Variants in GRAMD1B observed in about 807,000 individuals in gnomAD.
GRAMD1B encodes the protein GRAM domain containing 1B.
Under a neutral mutation model 99.7 loss-of-function variants are expected in GRAMD1B, and 37 were observed. The observed-to-expected ratio is 0.37, with a 90% CI of 0.29 to 0.49. GRAMD1B has a LOEUF of 0.49. Ranked by LOEUF, GRAMD1B falls within the 20% of genes least tolerant of loss-of-function variation. The pLI is 0.98. For synonymous variants in GRAMD1B, 427 were observed against 387.6 expected, an observed-to-expected ratio of 1.10 and a Z score of -1.19; for missense variants, 888 against 1,009.2, an observed-to-expected ratio of 0.88 and a Z score of 1.63.
chr11:123,583,872 T>C (rs921578730), intron 3 of GRAMD1B, among the ~76,000 whole-genome samples: 6 of 152,168 alleles, frequency 3.9e-5, no homozygotes, highest in Non-Finnish European at 8.8e-5. Flanking sequence ...GGTAGTCCCC[T>C]TTCTACCTCG....
chr11:123,598,923 C>G, intron 7 of GRAMD1B: 1 of 1,129,356 alleles, frequency 8.9e-7, no homozygotes, highest in Non-Finnish European at 1.4e-6. Context: ...TGCATTCCTC[C>G]TGTCTTTAGG....
chr11:123,603,935 G>A (rs1428835446), intron 9 of GRAMD1B, among the ~76,000 whole-genome samples: 2 of 152,196 alleles, frequency 1.3e-5, no homozygotes, highest in Admixed American at 6.5e-5. Context: ...TGGAGAAGTG[G>A]CAATAAGTGT....
At chr11:123,578,734 C>T (rs969749880) in intron 3 of GRAMD1B, among the ~76,000 whole-genome samples, 3 of 152,156 alleles carry the variant, frequency 2.0e-5, no homozygotes, top group African/African-American at 4.8e-5. Flanking sequence ...ATGGTGCGGT[C>T]GAGAAACAGA....
chr11:123,429,120 GA>G (rs1333256006), upstream of GRAMD1B, among the ~76,000 whole-genome samples: 1 of 152,150 alleles, frequency 6.6e-6, no homozygotes, highest in African/African-American at 2.4e-5. The surrounding 1 kb of genome is among the most constrained non-coding windows in gnomAD (Gnocchi z 4.0). Flanking sequence ...TTGAGCCCAG[GA>G]ATTCAAGGTT....
chr11:123,613,199 C>T lies in GRAMD1B; in HGVS notation c.2024-256C>T, dbSNP rs551212586. ...TGCCTGTGAATGCATCTATTTAAGACGTGTATGCCCCAAATTGTATACATG... is the reference window on the plus strand; with the variant it reads ...TGCCTGTGAATGCATCTATTTAAGATGTGTATGCCCCAAATTGTATACATG... On this transcript the variant is annotated intron_variant, in intron 15 of 19. Coordinates refer to ENST00000635736, the MANE Select transcript of GRAMD1B (RefSeq NM_001387025.1). The T allele has an allele frequency of 1.1e-4, 65 of 566,154 alleles. 1 individual carries two copies. The South Asian group carries it at 1.2e-3, about 11-fold the overall frequency. The allele number at this position is 566,154 out of a possible 1,614,324, so 35.1% of individuals were successfully genotyped here. A position where few individuals can be genotyped will look rare whatever the true frequency, so the allele number is the denominator to read the frequency against.
At chr11:123,585,641 G>C (rs1256542354) in intron 4 of GRAMD1B, among the ~76,000 whole-genome samples, 1 of 152,184 alleles carries the variant, frequency 6.6e-6, no homozygotes, top group African/African-American at 2.4e-5. Context: ...AGGGGAGGGG[G>C]ATGAGTGCTG....
At chr11:123,599,881 G>A (rs1274206) in intron 7 of GRAMD1B, among the ~76,000 whole-genome samples, 124,555 of 151,762 alleles carry the variant, frequency 0.82, 51,344 homozygotes, top group East Asian at 0.99. Flanking sequence ...ATTATCTAAG[G>A]CTTTTTGTGT....
At position 123,584,302 on chromosome 11, in the gene GRAMD1B, C is replaced by A. The variant is rs571822984; in HGVS notation, c.664-10C>A. On this transcript the variant is annotated splice_polypyrimidine_tract_variant and intron_variant, in intron 3 of 19. Coordinates refer to ENST00000635736, the MANE Select transcript of GRAMD1B (RefSeq NM_001387025.1). ...CTAATTCTACCTTCTCTTTCATTTT[C>A]TCTTTTCAGAAAAGCCAGAGTTGGT... is the stretch of plus-strand genomic sequence containing the variant. 2 of 1,025,606 alleles carry A rather than the reference C, an allele frequency of 2.0e-6. No individual in the cohort carries two copies. The highest frequency in any genetic ancestry group is 3.4e-5 in the Admixed American group (1 of 29,748). The allele number at this position is 1,025,606 out of a possible 1,614,324, so 63.5% of individuals were successfully genotyped here.
intron 2 of GRAMD1B, among the ~76,000 whole-genome samples, chr11:123,484,683 A>G (rs35923643): frequency 0.15 from 22,811 of 151,852 alleles, 2,213 homozygotes; most frequent in Admixed American, 0.23. Context: ...CCAACCCCCA[A>G]AACCTCAGAA....
intron 1 of GRAMD1B, among the ~76,000 whole-genome samples, chr11:123,452,570 T>C (rs933595160): frequency 6.6e-6 from 1 of 152,006 alleles, no homozygotes; most frequent in African/African-American, 2.4e-5. Flanking sequence ...TGCTTGAACC[T>C]GGGAGGTGGA....
intron 3 of GRAMD1B, among the ~76,000 whole-genome samples, chr11:123,579,086 G>A (rs1294414133): frequency 6.6e-6 from 1 of 152,224 alleles, no homozygotes; most frequent in Non-Finnish European, 1.5e-5. Flanking sequence ...CCCAGAGGGT[G>A]GGGTGCCCAT....
Position 123,610,840 on chromosome 11 carries a change from A to C in GRAMD1B, c.1919+502A>C, listed in dbSNP as rs1953442116. 6.6e-6 allele frequency among the ~76,000 whole-genome samples: 1 copy of C among 152,132 alleles called. No individual in the cohort carries two copies. The highest frequency in any genetic ancestry group is 2.1e-4 in the South Asian group (1 of 4,828). ...AGGACAGGAATTCCATTCCACTTAC[A>C]CTTTATTCCCAGCACCCAGCTGGGC... On this transcript the variant is annotated intron_variant, in intron 14 of 19. Coordinates refer to ENST00000635736, the MANE Select transcript of GRAMD1B (RefSeq NM_001387025.1). This position sits in a 1 kb window ranked among gnomAD's most constrained non-coding sequence, Gnocchi z 4.1.
chr11:123,487,117 A>G (rs1937911990), intron 2 of GRAMD1B, among the ~76,000 whole-genome samples: 1 of 152,190 alleles, frequency 6.6e-6, no homozygotes, highest in Admixed American at 6.5e-5. Flanking sequence ...CTGTGCTTAA[A>G]CCTGTGTAAT....
chr11:123,559,265 T>A (rs1946454567), intron 2 of GRAMD1B, among the ~76,000 whole-genome samples: 2 of 152,230 alleles, frequency 1.3e-5, no homozygotes, highest in African/African-American at 4.8e-5. Context: ...GTTAGTGTTG[T>A]CGGTTTTGTG....
At chr11:123,586,283 A>G (rs1950065700) in intron 4 of GRAMD1B, among the ~76,000 whole-genome samples, 2 of 152,128 alleles carry the variant, frequency 1.3e-5, no homozygotes, top group Non-Finnish European at 2.9e-5. Flanking sequence ...GTCTGTGCAG[A>G]AGCTGTTGGA....
At chr11:123,378,743 A>G (rs1946774534) in intron 1 of GRAMD1B, among the ~76,000 whole-genome samples, 1 of 152,212 alleles carries the variant, frequency 6.6e-6, no homozygotes, top group African/African-American at 2.4e-5. Context: ...TTCTGAGGGT[A>G]ATTCATGTGA....
Position 123,492,076 on chromosome 11 carries a change from G to T in GRAMD1B, c.452+11183G>T. 2.5e-6 allele frequency: 1 copy of T among 394,832 alleles called. No homozygotes were observed. Among genetic ancestry groups the T allele is most frequent in the Non-Finnish European group, 4.5e-6 (1 of 223,966 alleles). 24.5% of individuals were successfully genotyped at this position (394,832 alleles called of 1,614,324 possible). A position where few individuals can be genotyped will look rare whatever the true frequency, so the allele number is the denominator to read the frequency against. The stretch of plus-strand genomic sequence containing the variant: ...ACTCGGTGATCCATTGCAAGAGGCT[G>T]AAGGGAAAGGCCAAGGGGTATGGGT... On this transcript the variant is annotated intron_variant, in intron 2 of 19. Transcript: ENST00000635736. This position sits in a 1 kb window ranked among gnomAD's most constrained non-coding sequence, Gnocchi z 4.2.
At chr11:123,551,170 G>A (rs956755325) in intron 2 of GRAMD1B, among the ~76,000 whole-genome samples, 2 of 152,176 alleles carry the variant, frequency 1.3e-5, no homozygotes, top group Non-Finnish European at 2.9e-5. Flanking sequence ...ATCCCAAATT[G>A]AGGCAAAGGG....
intron 4 of GRAMD1B, among the ~76,000 whole-genome samples, chr11:123,592,957 C>T (rs1244762760): frequency 1.3e-5 from 2 of 151,836 alleles, no homozygotes; most frequent in African/African-American, 2.4e-5. Context: ...TCGGGTCGGG[C>T]GCGGTGGCTC....
Sources: gnomAD v4.1 joint callset for allele counts (sites outside exome capture counted in the v4.1 genomes callset) on GRCh38, gnomAD v4.1.1 for gene constraint, Gnocchi (gnomAD v3.1) non-coding constraint, MANE v1.5 for transcripts, NCBI Gene and HGNC (gene_info 2026-07-23, HGNC 2026-07-21) for gene names.